The following DOCK7 variants were observed in gnomAD, a reference collection of about 807,000 sequenced individuals.
The protein encoded by DOCK7 is dedicator of cytokinesis protein 7.
DOCK7 carries 138 observed loss-of-function variants against 271.0 expected under a neutral mutation model. That is an observed-to-expected ratio of 0.51 (90% CI 0.44 to 0.59). The LOEUF is 0.59. DOCK7 is among the 20% of genes least tolerant of loss of function. The pLI, the probability that DOCK7 is intolerant of heterozygous loss-of-function variation, is 0.00. For missense variants in DOCK7, 2,066 were observed against 2,592.4 expected (o/e 0.80, Z 4.41); for synonymous variants, 823 against 876.1 (o/e 0.94, Z 1.07).
chr1:62,686,171 T>A (rs1245325342), intron 1 of DOCK7, among the ~76,000 whole-genome samples: 13 of 536 alleles, frequency 0.024, 2 homozygotes, highest in African/African-American at 0.019. Context: ...TTTTTTTTTT[T>A]TTTTTTTTTT....
chr1:62,515,258 C>T (rs1644628239), intron 31 of DOCK7, among the ~76,000 whole-genome samples: 1 of 152,066 alleles, frequency 6.6e-6, no homozygotes, highest in Admixed American at 6.6e-5. Context: ...ACTTTGTTTA[C>T]TGCCTCTCAT....
At chr1:62,653,877 C>A (rs181827088) in intron 3 of DOCK7, 84 bp from the exon 4 acceptor site, 7 of 1,473,332 alleles carry the variant, frequency 4.8e-6, no homozygotes, top group Non-Finnish European at 5.6e-6. Context: ...TCGCTGTTTG[C>A]GTAACAGGAA....
intron 14 of DOCK7, chr1:62,598,852 G>C (rs779246554): frequency 8.7e-7 from 1 of 1,144,132 alleles, no homozygotes; most frequent in East Asian, 2.4e-5. Flanking sequence ...ACACAGGTCT[G>C]TAAAAACACT....
intron 14 of DOCK7, chr1:62,597,418 C>A: frequency 1.3e-6 from 1 of 766,932 alleles, no homozygotes; most frequent in Non-Finnish European, 2.1e-6. Flanking sequence ...TACATTCGTG[C>A]AAGTTAACAC....
intron 10 of DOCK7, 64 bp downstream of exon 10, chr1:62,633,434 G>T: frequency 8.0e-7 from 1 of 1,248,562 alleles, no homozygotes; most frequent in Non-Finnish European, 1.2e-6. Flanking sequence ...GCTATTGGGA[G>T]AATAGTATTC....
chr1:62,631,080 G>A (rs1176275272), intron 11 of DOCK7, among the ~76,000 whole-genome samples, 160 bp downstream of exon 11: 1 of 152,010 alleles, frequency 6.6e-6, no homozygotes, highest in East Asian at 1.9e-4. Context: ...AGCTACTCAG[G>A]AGGCTGAGGC....
chr1:62,632,341 CA>C (rs1399347327), intron 10 of DOCK7, among the ~76,000 whole-genome samples: 1 of 152,058 alleles, frequency 6.6e-6, no homozygotes, highest in Non-Finnish European at 1.5e-5. Context: ...CACTATGTAA[CA>C]GAGCAAATTT....
intron 18 of DOCK7, among the ~76,000 whole-genome samples, chr1:62,572,217 A>G (rs1377630226): frequency 6.6e-6 from 1 of 152,214 alleles, no homozygotes; most frequent in Non-Finnish European, 1.5e-5. Context: ...TGTTACAACA[A>G]ACCCTCTAGG....
At chr1:62,593,259 C>G (rs1648727975) in intron 14 of DOCK7, among the ~76,000 whole-genome samples, 1 of 152,046 alleles carries the variant, frequency 6.6e-6, no homozygotes, top group Non-Finnish European at 1.5e-5. Flanking sequence ...TGAATTTTCA[C>G]AATAAGTACT....
chr1:62,513,309 C>T (rs1326737460), intron 33 of DOCK7, 135 bp downstream of exon 33: 3 of 421,152 alleles, frequency 7.1e-6, no homozygotes, highest in Non-Finnish European at 9.5e-6. Flanking sequence ...ACTTTTATTA[C>T]TGCAGAGAAA....
intron 14 of DOCK7, among the ~76,000 whole-genome samples, chr1:62,618,100 A>G (rs1652683612): frequency 6.6e-6 from 1 of 152,100 alleles, no homozygotes; most frequent in Non-Finnish European, 1.5e-5. Context: ...TGGTCTCGGC[A>G]TTCACAAATA....
At chr1:62,553,311 TTTA>T (rs1315246344) in intron 21 of DOCK7, among the ~76,000 whole-genome samples, 1 of 4,650 alleles carries the variant, frequency 2.2e-4, no homozygotes. Flanking sequence ...TAAAAAGTAT[TTTA>T]TATATATATA....
chr1:62,645,517 G>A (rs927936710), intron 7 of DOCK7, among the ~76,000 whole-genome samples: 4 of 152,070 alleles, frequency 2.6e-5, no homozygotes, highest in Admixed American at 2.0e-4. Flanking sequence ...GGTTGCCTAC[G>A]GATGGAGGAG....
intron 23 of DOCK7, among the ~76,000 whole-genome samples, chr1:62,544,145 T>A (rs1266977466): frequency 6.6e-6 from 1 of 152,160 alleles, no homozygotes; most frequent in East Asian, 1.9e-4. Flanking sequence ...AAGAAAAAGT[T>A]TAGAATAATT....
At chr1:62,651,509 G>GA (rs1194055284) in intron 4 of DOCK7, among the ~76,000 whole-genome samples, 1 of 149,742 alleles carries the variant, frequency 6.7e-6, no homozygotes, top group African/African-American at 2.4e-5. Flanking sequence ...CCTCTGTAAG[G>GA]GGGGAGCCCG....
chr1:62,456,684 T>C (rs1438603728), intron 49 of DOCK7, among the ~76,000 whole-genome samples: 1 of 152,108 alleles, frequency 6.6e-6, no homozygotes, highest in Non-Finnish European at 1.5e-5. Context: ...AGCCTTTCCA[T>C]GGAAAGGAGT....
At chr1:62,531,515 C>T (rs138976199) in intron 29 of DOCK7, among the ~76,000 whole-genome samples, 11 of 152,298 alleles carry the variant, frequency 7.2e-5, no homozygotes, top group African/African-American at 2.6e-4. Flanking sequence ...AATTAAGGAA[C>T]ATAAATCCTC....
At chr1:62,498,185 C>CCA (rs1335346805) in intron 37 of DOCK7, among the ~76,000 whole-genome samples, 1 of 152,020 alleles carries the variant, frequency 6.6e-6, no homozygotes, top group Non-Finnish European at 1.5e-5. Context: ...CAAAGCTGTG[C>CCA]CACTGCTCTT....
chr1:62,577,388 T>A, intron 17 of DOCK7, 25 bp from the exon 18 acceptor site: 1 of 1,510,410 alleles, frequency 6.6e-7, no homozygotes, highest in Non-Finnish European at 9.1e-7. Flanking sequence ...GAAAACAATT[T>A]TATTTTAAAT....
Sources: gnomAD v4.1 joint callset for allele counts (sites outside exome capture counted in the v4.1 genomes callset) on GRCh38, gnomAD v4.1.1 for gene constraint, MANE v1.5 for transcripts, NCBI Gene and HGNC (gene_info 2026-07-23, HGNC 2026-07-21) for gene names.